PHACTR3: variants seen among roughly 807,000 people sequenced by gnomAD.
PHACTR3 encodes phosphatase and actin regulator 3, also known as protein phosphatase 1, regulatory subunit 123.
PHACTR3 carries 16 observed loss-of-function variants against 66.8 expected under a neutral mutation model. That is an observed-to-expected ratio of 0.24 (90% confidence interval 0.16 to 0.36). The LOEUF (loss-of-function observed/expected upper bound fraction) is 0.36. PHACTR3 is among the 10% of genes least tolerant of loss of function. The pLI is 1.00. For synonymous variants in PHACTR3, 323 were observed against 292.1 expected (o/e 1.11, Z -1.08); for missense variants, 647 against 719.9 (o/e 0.90, Z 1.16).
At position 59,612,673 on chromosome 20, in the gene PHACTR3, C is replaced by T. The variant is rs373678335; in HGVS notation, c.118+7541C>T. Among the ~76,000 whole-genome samples the T allele has an allele frequency of 9.2e-5, 14 of 152,288 alleles. No individual in the cohort carries two copies. In the South Asian group the frequency reaches 1.2e-3, roughly 14 times the overall value. On this transcript the variant is annotated intron_variant, in intron 1 of 12. Transcript: ENST00000371015. ...TGCTGGGATTACAGGCGTAAGCCAC[C>T]GCGCCTGGCTGACCATCCTGTTTTA...
chr20:59,748,804 C>T (rs1208377273), intron 3 of PHACTR3, among the ~76,000 whole-genome samples: 1 of 152,186 alleles, frequency 6.6e-6, no homozygotes, highest in South Asian at 2.1e-4. Flanking sequence ...TTGAATTCCT[C>T]TCTCCCCACT....
intron 1 of PHACTR3, among the ~76,000 whole-genome samples, chr20:59,668,451 G>A (rs948382890): frequency 2.0e-4 from 30 of 152,284 alleles, no homozygotes; most frequent in African/African-American, 2.6e-4. Flanking sequence ...GAGCTGCCTC[G>A]TTTGGGTCAT....
At chr20:59,682,922 CG>C (rs1169811926) in intron 1 of PHACTR3, among the ~76,000 whole-genome samples, 4 of 151,890 alleles carry the variant, frequency 2.6e-5, no homozygotes, top group Non-Finnish European at 2.9e-5. Flanking sequence ...TGTGACGGGT[CG>C]GGGGGGACAT....
chr20:59,834,262 C>G (rs886908838), intron 8 of PHACTR3, among the ~76,000 whole-genome samples: 2 of 152,194 alleles, frequency 1.3e-5, no homozygotes, highest in Non-Finnish European at 2.9e-5. Context: ...CCATCTCCTT[C>G]CTGCTTCCGA....
At chr20:59,763,108 A>G (rs1044026574) in intron 4 of PHACTR3, among the ~76,000 whole-genome samples, 2 of 152,062 alleles carry the variant, frequency 1.3e-5, no homozygotes, top group East Asian at 3.8e-4. Flanking sequence ...GGTGGAGGCA[A>G]TTGAATCACA....
At chr20:59,739,257 CAA>C (rs1399839408) in intron 1 of PHACTR3, among the ~76,000 whole-genome samples, 2 of 152,138 alleles carry the variant, frequency 1.3e-5, no homozygotes, top group Admixed American at 1.3e-4. Context: ...GAATGTCAAA[CAA>C]GACATTCCTG....
intron 1 of PHACTR3, among the ~76,000 whole-genome samples, chr20:59,631,851 C>T (rs952516822): frequency 2.0e-5 from 3 of 152,192 alleles, no homozygotes; most frequent in Non-Finnish European, 4.4e-5. Context: ...TTGGGGGCTG[C>T]GGCTGTATGA....
chr20:59,646,289 T>G (rs1364797414), intron 1 of PHACTR3, among the ~76,000 whole-genome samples: 1 of 152,210 alleles, frequency 6.6e-6, no homozygotes, highest in African/African-American at 2.4e-5. Context: ...GTTTAGCTAT[T>G]CAGCAAGGGC....
intron 1 of PHACTR3, among the ~76,000 whole-genome samples, chr20:59,597,704 T>G (rs762031231): frequency 6.6e-6 from 1 of 152,212 alleles, no homozygotes; most frequent in Non-Finnish European, 1.5e-5. Flanking sequence ...GCCAGCAGGA[T>G]GTTTGGTCCC....
intron 1 of PHACTR3, among the ~76,000 whole-genome samples, chr20:59,674,729 C>CTCCTGTTCTGCCCTT (rs1568697808): frequency 3.6e-5 from 1 of 27,594 alleles, no homozygotes; most frequent in African/African-American, 2.6e-4. Flanking sequence ...TGTTCCCCCT[C>CTCCTGTTCTGCCCTT]CTCCTGTTCC....
At chr20:59,760,528 A>T (rs1251990724) in intron 4 of PHACTR3, among the ~76,000 whole-genome samples, 1 of 151,414 alleles carries the variant, frequency 6.6e-6, no homozygotes, top group Admixed American at 6.6e-5. Context: ...ATAAGGGAAA[A>T]CCCCTTTTGC....
At chr20:59,769,268 G>A (rs1417534528) in intron 5 of PHACTR3, among the ~76,000 whole-genome samples, 3 of 152,176 alleles carry the variant, frequency 2.0e-5, no homozygotes, top group Admixed American at 6.5e-5. Flanking sequence ...CATCCACCTG[G>A]AACCTCAGAA....
At chr20:59,649,552 G>A (rs2146446362) in intron 1 of PHACTR3, among the ~76,000 whole-genome samples, 1 of 152,138 alleles carries the variant, frequency 6.6e-6, no homozygotes, top group South Asian at 2.1e-4. Flanking sequence ...ACTTTTATTT[G>A]GTTTTGAAGA....
Position 59,767,288 on chromosome 20 carries a change from A to G in PHACTR3, c.644A>G (p.Asp215Gly). 6.2e-7 allele frequency: 1 copy of G among 1,614,226 alleles called. No homozygotes were observed. The highest frequency in any genetic ancestry group is 8.5e-7 in the Non-Finnish European group (1 of 1,180,032). The change falls in exon 5 of 13, where the codon GAC (aspartate) becomes GGC (glycine). Residue 215 changes from aspartate (D) to glycine (G), a missense_variant. Asp to Gly is a moderately conservative substitution (Grantham distance 94, BLOSUM62 -1). This residue lies in a region of PHACTR3 where 577 missense variants were observed against 571.1 expected (regional missense o/e 1.01). Coordinates refer to ENST00000371015, the MANE Select transcript of PHACTR3 (RefSeq NM_080672.5). ...GCCTTAGCTGGGGCTGACTCCCTGG[A>G]CAGTCCTCCCAGACCTCTGGAGAGA... ...SQALAGADSL[D>G]SPPRPLERSV...
chr20:59,685,785 A>G (rs922413707), intron 1 of PHACTR3, among the ~76,000 whole-genome samples: 8 of 152,160 alleles, frequency 5.3e-5, no homozygotes, highest in African/African-American at 1.9e-4. Flanking sequence ...CCATCCTTTT[A>G]GAGTGGCTTC....
upstream of PHACTR3, among the ~76,000 whole-genome samples, chr20:59,600,523 C>T (rs977670888): frequency 1.2e-4 from 19 of 152,186 alleles, no homozygotes; most frequent in African/African-American, 4.1e-4. Context: ...TACCATTCCT[C>T]ACCACTCCCT....
At chr20:59,634,133 A>G (rs1190333923) in intron 1 of PHACTR3, among the ~76,000 whole-genome samples, 1 of 152,238 alleles carries the variant, frequency 6.6e-6, no homozygotes, top group Non-Finnish European at 1.5e-5. Context: ...TTCAGATGTT[A>G]TGAGCCCTGG....
intron 1 of PHACTR3, among the ~76,000 whole-genome samples, chr20:59,641,514 G>A (rs866606299): frequency 2.0e-5 from 3 of 152,188 alleles, no homozygotes; most frequent in Non-Finnish European, 2.9e-5. Flanking sequence ...TTCTTATTCC[G>A]TCTTCCTGCT....
chr20:59,816,385 G>A lies in PHACTR3; in HGVS notation c.1328+10191G>A, dbSNP rs559264482. 1.3e-4 allele frequency among the ~76,000 whole-genome samples: 20 copies of A among 152,300 alleles called. 1 individual carries two copies. The highest frequency in any genetic ancestry group is 3.9e-4 in the African/African-American group (16 of 41,558). Reference sequence around the variant, plus strand: ...ACCCCTGTTCTAGAGCAGTCTGCACGCTGGGGACTCTGGGTCCATGACAGT... The same window carrying A: ...ACCCCTGTTCTAGAGCAGTCTGCACACTGGGGACTCTGGGTCCATGACAGT... On this transcript the variant is annotated intron_variant, in intron 8 of 12. Transcript: ENST00000371015.
Sources: gnomAD v4.1 joint callset for allele counts (sites outside exome capture counted in the v4.1 genomes callset) on GRCh38, gnomAD v4.1.1 for gene constraint, gnomAD v4.1.1 regional missense constraint, MANE v1.5 for transcripts, NCBI Gene and HGNC (gene_info 2026-07-23, HGNC 2026-07-21) for gene names.